The following RNLS variants were observed in gnomAD, a reference collection of about 807,000 sequenced individuals.
RNLS encodes renalase.
RNLS carries 39 observed loss-of-function variants against 39.8 expected under a neutral mutation model. The ratio of observed to expected loss-of-function variants is 0.98; its 90% CI spans 0.76 to 1.28. The LOEUF (loss-of-function observed/expected upper bound fraction) is 1.28, where lower values mean the gene tolerates loss of function less well. RNLS is among the 50% of genes most tolerant of loss of function. RNLS has a pLI of 0.00. For missense variants in RNLS, 410 were observed against 413.3 expected, an observed-to-expected ratio of 0.99 and a Z score of 0.07; for synonymous variants, 147 against 150.7, an observed-to-expected ratio of 0.98 and a Z score of 0.18.
intron 5 of RNLS, among the ~76,000 whole-genome samples, chr10:88,337,648 A>G (rs1401000966): frequency 2.6e-5 from 4 of 152,256 alleles, no homozygotes; most frequent in African/African-American, 7.2e-5. Context: ...AGCAGAAAGT[A>G]GAGTCAAGAA....
At chr10:88,227,680 G>A in the RNLS span, among the ~76,000 whole-genome samples, 5 of 152,190 alleles carry the variant, frequency 3.3e-5, no homozygotes, top group African/African-American at 1.2e-4. Flanking sequence ...CCCTTTCTGG[G>A]TATGACTTTA....
chr10:88,335,442 A>G (rs1847418074), intron 5 of RNLS, among the ~76,000 whole-genome samples: 1 of 151,464 alleles, frequency 6.6e-6, no homozygotes, highest in Admixed American at 6.6e-5. Context: ...CTGGTCTCAA[A>G]CTCCTAAACT....
At chr10:88,493,930 A>G (rs1474455657) in intron 4 of RNLS, among the ~76,000 whole-genome samples, 1 of 152,194 alleles carries the variant, frequency 6.6e-6, no homozygotes, top group Non-Finnish European at 1.5e-5. Flanking sequence ...AGAACACTGG[A>G]AGACATTCAA....
intron 4 of RNLS, among the ~76,000 whole-genome samples, chr10:88,480,059 G>A (rs1323929806): frequency 6.6e-6 from 1 of 152,036 alleles, no homozygotes; most frequent in Non-Finnish European, 1.5e-5. Flanking sequence ...TTAAATTACT[G>A]AGTTTTTGCA....
intron 4 of RNLS, among the ~76,000 whole-genome samples, chr10:88,412,736 A>T (rs1853757329): frequency 1.3e-5 from 2 of 152,290 alleles, no homozygotes; most frequent in South Asian, 2.1e-4. Context: ...CTTAGCAATA[A>T]TAAAAATAAA....
At chr10:88,321,931 G>A (rs1441238215) in intron 5 of RNLS, among the ~76,000 whole-genome samples, 2 of 152,200 alleles carry the variant, frequency 1.3e-5, no homozygotes, top group East Asian at 1.9e-4. Context: ...CTGAGGCGGA[G>A]GCATTCTTCC....
At chr10:88,189,881 C>T in the RNLS span, among the ~76,000 whole-genome samples, 2 of 152,154 alleles carry the variant, frequency 1.3e-5, no homozygotes, top group Admixed American at 1.3e-4. Context: ...TTCTCTGCAC[C>T]TTTACAGCTG....
the RNLS span, among the ~76,000 whole-genome samples, chr10:88,244,734 G>T: frequency 1.3e-5 from 2 of 150,588 alleles, no homozygotes; most frequent in Admixed American, 6.6e-5. Context: ...AGGACACACT[G>T]TGTAAATGGG....
At chr10:88,442,073 G>A (rs1309016221) in intron 4 of RNLS, among the ~76,000 whole-genome samples, 1 of 152,174 alleles carries the variant, frequency 6.6e-6, no homozygotes, top group Admixed American at 6.5e-5. Flanking sequence ...TTGGAATTTG[G>A]AAAGATTTAG....
chr10:88,408,212 C>A (rs531677849), intron 4 of RNLS, among the ~76,000 whole-genome samples: 1 of 151,996 alleles, frequency 6.6e-6, no homozygotes, highest in African/African-American at 2.4e-5. Context: ...AATGTGAAAG[C>A]TTTTATTTCT....
chr10:88,420,340 C>T (rs181599862), intron 4 of RNLS, among the ~76,000 whole-genome samples: 1 of 152,128 alleles, frequency 6.6e-6, no homozygotes, highest in African/African-American at 2.4e-5. Flanking sequence ...TTTTTCAATA[C>T]AGCTATCTTA....
rs149777491 is a variant in RNLS, at chr10:88,410,357, T to C, written c.527-47632A>G. Among the ~76,000 whole-genome samples the C allele has an allele frequency of 9.8e-4, 149 of 152,250 alleles. 1 individual carries two copies. The highest frequency in any genetic ancestry group is 2.2e-4 in the Non-Finnish European group (15 of 67,998). The stretch of plus-strand genomic sequence containing the variant: ...ATACTTTACTTTATTCTTATTTTCA[T>C]TGTAACTTCAGAAAATAAAACTTGA... On this transcript the variant is annotated intron_variant, in intron 4 of 6. Coordinates refer to ENST00000331772, the MANE Select transcript of RNLS (RefSeq NM_001031709.3).
chr10:88,341,722 A>G (rs1847971808), intron 5 of RNLS, among the ~76,000 whole-genome samples: 1 of 152,186 alleles, frequency 6.6e-6, no homozygotes, highest in Non-Finnish European at 1.5e-5. Context: ...GGGAAGCATG[A>G]GAGGAAGACA....
chr10:88,419,770 C>T lies in RNLS; in HGVS notation c.527-57045G>A, dbSNP rs572841400. Among the ~76,000 whole-genome samples the T allele has an allele frequency of 9.2e-5, 14 of 152,054 alleles. No individual in the cohort carries two copies. The East Asian group carries it at 1.5e-3, about 17-fold the overall frequency. ...CTGTAATACCGGCACTTTGAGAGGCCGAGGCGGGCGGATCACCTGAGGTCA... is the reference window on the plus strand; with the variant it reads ...CTGTAATACCGGCACTTTGAGAGGCTGAGGCGGGCGGATCACCTGAGGTCA... On this transcript the variant is annotated intron_variant, in intron 4 of 6. Coordinates refer to ENST00000331772, the MANE Select transcript of RNLS (RefSeq NM_001031709.3).
Position 88,314,628 on chromosome 10 carries a change from A to G in RNLS, c.714T>C (p.Ile238=), listed in dbSNP as rs1845621173. Residue 238 remains isoleucine (I), a synonymous_variant, in exon 6 of 7, where the codon ATT becomes ATC. Transcript: ENST00000331772. Reference sequence around the variant, plus strand: ...TGGTGTGAATCACGAGGGAAGGCCCAATTTCTGATGACTCTGTGGCATAAG... The same window carrying G: ...TGGTGTGAATCACGAGGGAAGGCCCGATTTCTGATGACTCTGTGGCATAAG... ...NKKRNIESSE[I]GPSLVIHTTV... 1.2e-6 allele frequency: 2 copies of G among 1,613,338 alleles called. No individual in the cohort carries two copies. The highest frequency in any genetic ancestry group is 1.7e-6 in the Non-Finnish European group (2 of 1,179,574).
chr10:88,324,440 A>C (rs1425706582), intron 5 of RNLS, among the ~76,000 whole-genome samples: 1 of 151,808 alleles, frequency 6.6e-6, no homozygotes, highest in Non-Finnish European at 1.5e-5. Flanking sequence ...AAAAAAAAAA[A>C]AAACTAAAAC....
At chr10:88,570,997 T>G (rs560049107) in intron 4 of RNLS, among the ~76,000 whole-genome samples, 42 of 151,332 alleles carry the variant, frequency 2.8e-4, no homozygotes, top group Non-Finnish European at 5.2e-4. Context: ...TTGTTTTTTT[T>G]TTTTGACACA....
intron 4 of RNLS, among the ~76,000 whole-genome samples, chr10:88,381,409 A>AAT (rs1589696688): frequency 6.6e-6 from 1 of 151,608 alleles, no homozygotes; most frequent in East Asian, 1.9e-4. Flanking sequence ...AGTTTTTTAA[A>AAT]AATACAATAT....
chr10:88,201,900 A>T, the RNLS span, among the ~76,000 whole-genome samples: 18 of 152,002 alleles, frequency 1.2e-4, no homozygotes, highest in South Asian at 2.1e-4. Context: ...TATCAGATAA[A>T]GCCATTTTTT....
Sources: gnomAD v4.1 joint callset for allele counts (sites outside exome capture counted in the v4.1 genomes callset) on GRCh38, gnomAD v4.1.1 for gene constraint, MANE v1.5 for transcripts, NCBI Gene and HGNC (gene_info 2026-07-23, HGNC 2026-07-21) for gene names.